NCKAP1L: variants seen among roughly 807,000 people sequenced by gnomAD.
The protein encoded by NCKAP1L is nck-associated protein 1-like.
NCKAP1L carries 53 observed loss-of-function variants against 139.2 expected under a neutral mutation model. The observed-to-expected ratio is 0.38, with a 90% CI of 0.31 to 0.48. The LOEUF (loss-of-function observed/expected upper bound fraction) is 0.48. Among genes scored for constraint, NCKAP1L ranks in the 20% least tolerant of loss-of-function variants. The pLI is 0.98. For missense variants in NCKAP1L, 1,151 were observed against 1,381.9 expected (o/e 0.83, Z 2.65); for synonymous variants, 468 against 499.7 (o/e 0.94, Z 0.85).
chr12:54,519,997 T>C (rs924172079), intron 16 of NCKAP1L, among the ~76,000 whole-genome samples: 1 of 151,928 alleles, frequency 6.6e-6, no homozygotes, highest in Non-Finnish European at 1.5e-5. Context: ...CTTTGGAGAA[T>C]GAGCTGAATG....
At chr12:54,528,060 T>C (rs1957040498) in intron 21 of NCKAP1L, among the ~76,000 whole-genome samples, 187 bp from the exon 22 acceptor site, 1 of 152,194 alleles carries the variant, frequency 6.6e-6, no homozygotes, top group Non-Finnish European at 1.5e-5. Flanking sequence ...ATTCCAGTAC[T>C]GCCAGTTGTT....
Position 54,531,265 on chromosome 12 carries a change from C to T in NCKAP1L, c.2512C>T (p.Arg838Trp), listed in dbSNP as rs781139152. Residue 838 changes from arginine (R) to tryptophan (W), a missense_variant, in exon 23 of 31, where the codon CGG becomes TGG. Transcript: ENST00000293373. ...CCTCTGTAACTCTGTTCCAGAGATG[C>T]GGGCCTTGGCAGAACTCCTGGGCCC... ...AEEFSDISEM[R>W]ALAELLGPYG... The T allele has an allele frequency of 1.1e-5, 18 of 1,613,790 alleles. No individual in the cohort carries two copies. Among genetic ancestry groups the T allele is most frequent in the African/African-American group, 2.7e-5 (2 of 74,912 alleles).
At chr12:54,533,728 C>T (rs567121426) in intron 26 of NCKAP1L, among the ~76,000 whole-genome samples, 1 of 152,134 alleles carries the variant, frequency 6.6e-6, no homozygotes, top group Non-Finnish European at 1.5e-5. Flanking sequence ...TGCCACCACA[C>T]CTGGCTAATT....
At chr12:54,524,826 C>CGGTGCTGGT (rs770078150) in intron 20 of NCKAP1L, among the ~76,000 whole-genome samples, 1 of 151,930 alleles carries the variant, frequency 6.6e-6, no homozygotes, top group Non-Finnish European at 1.5e-5. Context: ...GGAGGATGTG[C>CGGTGCTGGT]GGTGCTGGTG....
Position 54,516,313 on chromosome 12 carries a change from C to T in NCKAP1L, c.998+18C>T, listed in dbSNP as rs1190343059. The T allele has an allele frequency of 1.2e-6, 2 of 1,610,090 alleles. No homozygotes were observed. Among genetic ancestry groups the T allele is most frequent in the South Asian group, 2.2e-5 (2 of 90,988 alleles). ...GCAAACAGGTAAAGGGTGGTGAATG[C>T]ACTCTCTGAGAGGGGATGGAATAGG... On this transcript the variant is annotated intron_variant, in intron 10 of 30. Coordinates refer to ENST00000293373, the MANE Select transcript of NCKAP1L (RefSeq NM_005337.5).
chr12:54,515,456 A>G (rs145007270), intron 9 of NCKAP1L, among the ~76,000 whole-genome samples: 180 of 152,350 alleles, frequency 1.2e-3, no homozygotes, highest in Non-Finnish European at 2.2e-3. Context: ...AGAATCAAAT[A>G]TTGCAGAAAA....
rs1957210376 is a variant in NCKAP1L at position 54,547,779 on chromosome 12, T to G, written c.*5094T>G. On this transcript the variant is annotated 3_prime_UTR_variant, in exon 31 of 31. Coordinates refer to ENST00000293373, the MANE Select transcript of NCKAP1L (RefSeq NM_005337.5). ...GTTTCCAGCCCATTTCATTTTCAGTTGATAAGGAGGAGATTGCTCCCAAAT... is the reference window on the plus strand; with the variant it reads ...GTTTCCAGCCCATTTCATTTTCAGTGGATAAGGAGGAGATTGCTCCCAAAT... The G allele has an allele frequency of 6.6e-6, 1 of 152,230 alleles. No individual in the cohort carries two copies. The highest frequency in any genetic ancestry group is 1.5e-5 in the Non-Finnish European group (1 of 68,040). 9.4% of individuals were successfully genotyped at this position (152,230 alleles called of 1,614,324 possible). A position where few individuals can be genotyped will look rare whatever the true frequency, so the allele number is the denominator to read the frequency against.
intron 9 of NCKAP1L, among the ~76,000 whole-genome samples, chr12:54,515,210 A>G (rs1956920422): frequency 6.6e-6 from 1 of 152,180 alleles, no homozygotes; most frequent in Non-Finnish European, 1.5e-5. Context: ...TGTGAAGTTG[A>G]ATGTTGATTT....
At chr12:54,535,903 G>A (rs1262267620) in intron 27 of NCKAP1L, among the ~76,000 whole-genome samples, 1 of 152,166 alleles carries the variant, frequency 6.6e-6, no homozygotes, top group Non-Finnish European at 1.5e-5. Flanking sequence ...CTGCCCTGTT[G>A]CCAGGGAGGC....
At chr12:54,520,577 C>T in intron 16 of NCKAP1L, 117 bp from the exon 17 acceptor site, 1 of 993,264 alleles carries the variant, frequency 1.0e-6, no homozygotes, top group Non-Finnish European at 1.6e-6. Context: ...AATGAATATC[C>T]TCTCCGCCTC....
chr12:54,526,223 C>T (rs1171588019), intron 20 of NCKAP1L, among the ~76,000 whole-genome samples: 1 of 152,148 alleles, frequency 6.6e-6, no homozygotes, highest in Non-Finnish European at 1.5e-5. Context: ...TGAGCTATTT[C>T]TCCAGAGGAG....
chr12:54,514,913 T>C (rs1235583980), intron 9 of NCKAP1L, among the ~76,000 whole-genome samples: 1 of 152,212 alleles, frequency 6.6e-6, no homozygotes, highest in Non-Finnish European at 1.5e-5. Flanking sequence ...TTCTAAGGAA[T>C]GGAAGAGATG....
rs753571906 is a variant in NCKAP1L at position 54,523,407 on chromosome 12, A to C, written c.1892A>C (p.His631Pro). 1 of 1,613,962 alleles carries C rather than the reference A, an allele frequency of 6.2e-7. No individual in the cohort carries two copies. The stretch of plus-strand genomic sequence containing the variant: ...TTGTTTCTGAAGCTTCTACCTAAGC[A>C]CTGTGCCACTACAATCAGCAAAGCC... ...RNLSEQLLPKHCATTISKAKN... is the reference protein window; with the variant it reads ...RNLSEQLLPKPCATTISKAKN... The change falls in exon 19 of 31, where the codon CAC becomes CCC. Residue 631 changes from histidine (H) to proline (P), a missense_variant. Coordinates refer to ENST00000293373, the MANE Select transcript of NCKAP1L (RefSeq NM_005337.5).
rs2120991953 is a variant in NCKAP1L at position 54,544,802 on chromosome 12, C to G, written c.*2117C>G. On this transcript the variant is annotated 3_prime_UTR_variant, in exon 31 of 31. Transcript: ENST00000293373. ...TCACCTGAGGTCAGGGGTTTGAGAG[C>G]AGCCTGGCCAATATAGTGAAACACC... is the stretch of plus-strand genomic sequence containing the variant. 1 of 152,500 alleles carries G rather than the reference C, an allele frequency of 6.6e-6. No homozygotes were observed. The highest frequency in any genetic ancestry group is 1.9e-4 in the East Asian group (1 of 5,184). The allele number at this position is 152,500 out of a possible 1,614,324, so 9.4% of individuals were successfully genotyped here. A position where few individuals can be genotyped will look rare whatever the true frequency, so the allele number is the denominator to read the frequency against.
chr12:54,509,618 C>A, intron 5 of NCKAP1L, 51 bp from the exon 6 acceptor site: 1 of 1,293,794 alleles, frequency 7.7e-7, no homozygotes, highest in Non-Finnish European at 1.1e-6. Context: ...CATAAGAGTT[C>A]AAGTCATGGG....
At position 54,508,432 on chromosome 12, in the gene NCKAP1L, T is replaced by TA. The variant is rs1565673533; in HGVS notation, c.409dup (p.Thr137AsnfsTer13). On this transcript the variant is annotated frameshift_variant, in exon 5 of 31. Transcript: ENST00000293373. LOFTEE classifies it high-confidence loss of function. The stretch of plus-strand genomic sequence containing the variant: ...ACTCGGAGTTACCTGGACTTGATTG[T>TA]AACTTACACCTCAGTCATTTTACTT... 1 of 1,614,154 alleles carries TA rather than the reference T, an allele frequency of 6.2e-7. No individual in the cohort carries two copies. Among genetic ancestry groups the TA allele is most frequent in the Non-Finnish European group, 8.5e-7 (1 of 1,179,952 alleles).
chr12:54,514,333 T>TG (rs1956913606), intron 9 of NCKAP1L, among the ~76,000 whole-genome samples: 1 of 151,862 alleles, frequency 6.6e-6, no homozygotes, highest in African/African-American at 2.4e-5. Flanking sequence ...TTTCTTTTTT[T>TG]TTTTGAGACT....
chr12:54,518,484 T>A, intron 13 of NCKAP1L, 167 bp from the exon 14 acceptor site: 1 of 691,514 alleles, frequency 1.4e-6, no homozygotes, highest in South Asian at 1.6e-5. Context: ...GATGTTAGAA[T>A]GGCAGGGAAC....
At position 54,543,919 on chromosome 12, in the gene NCKAP1L, C is replaced by T. The variant is rs1957178877; in HGVS notation, c.*1234C>T. ...GCTAGTTGGTTAATTAGGGTCATGT[C>T]CATACTTTCATGATGAAAGGGAAGC... On this transcript the variant is annotated 3_prime_UTR_variant, in exon 31 of 31. Coordinates refer to ENST00000293373, the MANE Select transcript of NCKAP1L (RefSeq NM_005337.5). 1 of 152,178 alleles carries T rather than the reference C, an allele frequency of 6.6e-6. No individual in the cohort carries two copies. The highest frequency in any genetic ancestry group is 1.5e-5 in the Non-Finnish European group (1 of 68,032). The allele number at this position is 152,178 out of a possible 1,614,324, so 9.4% of individuals were successfully genotyped here.
Sources: allele counts gnomAD v4.1 joint callset (sites outside exome capture counted in the v4.1 genomes callset), GRCh38; gene constraint gnomAD v4.1.1; transcripts MANE v1.5; gene names NCBI Gene and HGNC (gene_info 2026-07-23, HGNC 2026-07-21).